The following DGLUCY variants were observed in gnomAD, a reference collection of about 807,000 sequenced individuals.
The protein encoded by DGLUCY is D-glutamate cyclase, mitochondrial.
DGLUCY carries 58 observed loss-of-function variants against 58.5 expected under a neutral mutation model. The observed-to-expected ratio is 0.99, with a 90% confidence interval of 0.80 to 1.23. The LOEUF is 1.23. Among genes scored for constraint, DGLUCY ranks in the 50% most tolerant of loss-of-function variants. The pLI is 0.00. For synonymous variants in DGLUCY, 325 were observed against 314.1 expected (o/e 1.03, Z -0.37); for missense variants, 779 against 784.7 (o/e 0.99, Z 0.09).
intron 1 of DGLUCY, among the ~76,000 whole-genome samples, chr14:91,080,733 G>C: frequency 6.9e-6 from 1 of 143,952 alleles, no homozygotes; most frequent in Middle Eastern, 3.6e-3. Context: ...TCATATAAGA[G>C]AGCTTCAACT....
intron 13 of DGLUCY, among the ~76,000 whole-genome samples, chr14:91,218,009 G>T (rs990664641): frequency 4.6e-5 from 7 of 152,286 alleles, no homozygotes; most frequent in African/African-American, 1.4e-4. Flanking sequence ...CAGCTGAGAG[G>T]CAGAGCTGGG....
chr14:91,064,290 T>A (rs1376516805), intron 1 of DGLUCY, among the ~76,000 whole-genome samples: 1 of 152,074 alleles, frequency 6.6e-6, no homozygotes. Context: ...AGCTTAGGAA[T>A]CACTGGCACA....
At chr14:91,113,877 G>T (rs138947039), upstream of DGLUCY, among the ~76,000 whole-genome samples, 104 of 152,332 alleles carry the variant, frequency 6.8e-4, no homozygotes, top group Non-Finnish European at 1.2e-3. Context: ...AATTACATCT[G>T]CATTTCTGGG....
chr14:91,062,589 AT>A (rs2043743291), intron 1 of DGLUCY, among the ~76,000 whole-genome samples: 1 of 24,516 alleles, frequency 4.1e-5, no homozygotes, highest in African/African-American at 1.4e-4. Flanking sequence ...ATATATATAT[AT>A]ATATATATAT....
intron 9 of DGLUCY, among the ~76,000 whole-genome samples, chr14:91,190,403 G>A (rs1271257363): frequency 6.6e-6 from 1 of 152,200 alleles, no homozygotes; most frequent in Non-Finnish European, 1.5e-5. Context: ...TGAATGCACA[G>A]TGTGTTCGAG....
chr14:91,126,574 C>A, intron 1 of DGLUCY: 1 of 202,420 alleles, frequency 4.9e-6, no homozygotes. Flanking sequence ...AAAAACGTGT[C>A]AGACCAGGTG....
intron 1 of DGLUCY, among the ~76,000 whole-genome samples, chr14:91,083,731 A>G (rs2044167049): frequency 1.3e-5 from 2 of 151,916 alleles, no homozygotes; most frequent in African/African-American, 4.8e-5. Flanking sequence ...TTTTTTTAAT[A>G]ATGTGTCAGA....
chr14:91,101,183 A>G (rs2044480501), intron 1 of DGLUCY, among the ~76,000 whole-genome samples: 1 of 152,184 alleles, frequency 6.6e-6, no homozygotes, highest in South Asian at 2.1e-4. Context: ...TGGGGTAACT[A>G]TGTTAACATC....
chr14:91,072,366 C>T (rs1028887188), intron 1 of DGLUCY, among the ~76,000 whole-genome samples: 2 of 151,128 alleles, frequency 1.3e-5, no homozygotes, highest in Non-Finnish European at 3.0e-5. Context: ...CTTTTTAAAA[C>T]AGACACGATT....
intron 1 of DGLUCY, among the ~76,000 whole-genome samples, chr14:91,080,750 A>G (rs1244352153): frequency 6.6e-6 from 1 of 151,416 alleles, no homozygotes; most frequent in Non-Finnish European, 1.5e-5. Flanking sequence ...AACTATCTAT[A>G]TGAAACCAGG....
chr14:91,109,058 G>T (rs1012834892), intron 1 of DGLUCY, among the ~76,000 whole-genome samples: 1 of 152,108 alleles, frequency 6.6e-6, no homozygotes. Flanking sequence ...ACCACCCCCA[G>T]AATTCATCAT....
At chr14:91,062,558 A>AAAATAT (rs1555386902) in intron 1 of DGLUCY, among the ~76,000 whole-genome samples, 18 of 23,694 alleles carry the variant, frequency 7.6e-4, no homozygotes, top group Non-Finnish European at 9.8e-4. Context: ...AAAAAAAAAA[A>AAAATAT]ATATATATAT....
intron 13 of DGLUCY, among the ~76,000 whole-genome samples, chr14:91,218,911 G>A (rs997911470): frequency 5.9e-5 from 9 of 152,062 alleles, no homozygotes; most frequent in East Asian, 3.9e-4. Context: ...CGGGCATGGT[G>A]GCTCTCACCT....
At chr14:91,158,033 A>G (rs2047763705) in intron 2 of DGLUCY, among the ~76,000 whole-genome samples, 2 of 152,178 alleles carry the variant, frequency 1.3e-5, no homozygotes. Context: ...GAGGACGGTT[A>G]TCAGAGGAGT....
intron 9 of DGLUCY, among the ~76,000 whole-genome samples, chr14:91,192,268 C>T (rs1288005749): frequency 6.6e-6 from 1 of 152,146 alleles, no homozygotes; most frequent in Non-Finnish European, 1.5e-5. Flanking sequence ...TTGTATGACT[C>T]CACGCATATG....
chr14:91,195,260 G>T (rs1265363678), intron 9 of DGLUCY, among the ~76,000 whole-genome samples: 2 of 152,172 alleles, frequency 1.3e-5, no homozygotes, highest in African/African-American at 4.8e-5. Flanking sequence ...CAGTGACTAT[G>T]CTGGGATTCT....
Position 91,160,415 on chromosome 14 carries a change from G to C in DGLUCY, c.103+18G>C. 6 of 412,366 alleles carry C rather than the reference G, an allele frequency of 1.5e-5. No individual in the cohort carries two copies. Among genetic ancestry groups the C allele is most frequent in the Non-Finnish European group, 2.2e-5 (6 of 276,158 alleles). The allele number at this position is 412,366 out of a possible 1,614,324, so 25.5% of individuals were successfully genotyped here. A position where few individuals can be genotyped will look rare whatever the true frequency, so the allele number is the denominator to read the frequency against. On this transcript the variant is annotated intron_variant, in intron 3 of 13. Transcript: ENST00000256324. ...GGCTGGAGGTAAGTGGTGCCAGATA[G>C]TTAAAAAAAAAAAAAAAAAAAAAAA...
At chr14:91,197,982 A>G (rs191038683) in intron 10 of DGLUCY, among the ~76,000 whole-genome samples, 356 of 152,340 alleles carry the variant, frequency 2.3e-3, no homozygotes, top group African/African-American at 8.1e-3. Context: ...TTTATATAGC[A>G]GAGTTGAGAT....
intron 5 of DGLUCY, among the ~76,000 whole-genome samples, chr14:91,171,268 C>A (rs942675857): frequency 6.6e-6 from 1 of 152,224 alleles, no homozygotes; most frequent in Non-Finnish European, 1.5e-5. Flanking sequence ...TGTACAATGT[C>A]AATAACAGAG....
Sources: allele counts gnomAD v4.1 joint callset (sites outside exome capture counted in the v4.1 genomes callset), GRCh38; gene constraint gnomAD v4.1.1; transcripts MANE v1.5; gene names NCBI Gene and HGNC (gene_info 2026-07-23, HGNC 2026-07-21).